Variants in DIP2C observed in about 807,000 individuals in gnomAD.
DIP2C encodes the protein DIP2 acetate--CoA ligase C (putative).
Under a neutral mutation model 192.4 loss-of-function variants are expected in DIP2C, and 33 were observed. The observed-to-expected ratio is 0.17, with a 90% CI of 0.13 to 0.23. DIP2C has a LOEUF of 0.23. Among genes scored for constraint, DIP2C ranks in the 10% least tolerant of loss-of-function variants. The probability of loss-of-function intolerance (pLI) is 1.00; values close to 1 mark genes in which losing one functional copy is unlikely to be tolerated. For missense variants in DIP2C, 1,537 were observed against 2,110.1 expected (o/e 0.73, Z 5.32); for synonymous variants, 979 against 864.1 (o/e 1.13, Z -2.33).
rs1242761400 is a variant in DIP2C, at chr10:579,462, T to C, written c.86-92932A>G. ...AACACATGTGTACATGCATAGAGCG[T>C]ACACACATACAGATCCAGTGTACAA... is the stretch of plus-strand genomic sequence containing the variant. On this transcript the variant is annotated intron_variant, in intron 1 of 36. Coordinates refer to ENST00000280886, the MANE Select transcript of DIP2C (RefSeq NM_014974.3). Among the ~76,000 whole-genome samples, 7 of 151,504 alleles carry C rather than the reference T, an allele frequency of 4.6e-5. 1 individual carries two copies. Among genetic ancestry groups the C allele is most frequent in the Middle Eastern group, 6.5e-3 (2 of 308 alleles).
intron 2 of DIP2C, among the ~76,000 whole-genome samples, chr10:484,412 A>G (rs1843844626): frequency 6.6e-6 from 1 of 152,260 alleles, no homozygotes; most frequent in African/African-American, 2.4e-5. Flanking sequence ...AAGACCCATC[A>G]GCTCATCCTT....
intron 1 of DIP2C, among the ~76,000 whole-genome samples, chr10:487,529 C>A (rs1441104686): frequency 7.0e-6 from 1 of 143,682 alleles, no homozygotes; most frequent in Non-Finnish European, 1.5e-5. Context: ...GAGCCAAGAA[C>A]CAAATGACAC....
chr10:509,098 T>C (rs557859555), intron 1 of DIP2C, among the ~76,000 whole-genome samples: 2 of 152,232 alleles, frequency 1.3e-5, no homozygotes, highest in South Asian at 2.1e-4. Context: ...GCCCAAGATA[T>C]CTAGTGGCAT....
chr10:488,816 CCAGA>C (rs1844212861), intron 1 of DIP2C, among the ~76,000 whole-genome samples: 1 of 152,204 alleles, frequency 6.6e-6, no homozygotes, highest in Non-Finnish European at 1.5e-5. Flanking sequence ...ATCCTTAAAA[CCAGA>C]CAATGTCCCA....
Position 419,993 on chromosome 10 carries a change from C to T in DIP2C, c.605-794G>A, listed in dbSNP as rs1342541957. Among the ~76,000 whole-genome samples, 5 of 152,214 alleles carry T rather than the reference C, an allele frequency of 3.3e-5. No individual in the cohort carries two copies. In the East Asian group the frequency reaches 5.8e-4, roughly 18 times the overall value. ...TGCCAAGCAGCCCACTGATGACGCCCGTCACACCCAGAATCTTGATGACGG... is the reference window on the plus strand; with the variant it reads ...TGCCAAGCAGCCCACTGATGACGCCTGTCACACCCAGAATCTTGATGACGG... On this transcript the variant is annotated intron_variant, in intron 5 of 36. Coordinates refer to ENST00000280886, the MANE Select transcript of DIP2C (RefSeq NM_014974.3).
intron 32 of DIP2C, among the ~76,000 whole-genome samples, chr10:303,586 C>T (rs978074215): frequency 5.3e-5 from 8 of 151,684 alleles, no homozygotes; most frequent in Middle Eastern, 3.2e-3. Context: ...TGCAGTGGCG[C>T]GATCTTGGCT....
intron 31 of DIP2C, among the ~76,000 whole-genome samples, chr10:318,814 G>A (rs1395247035): frequency 1.3e-5 from 2 of 152,170 alleles, no homozygotes; most frequent in East Asian, 1.9e-4. Context: ...AGGGGGACAA[G>A]GAAACTGAGA....
intron 6 of DIP2C, among the ~76,000 whole-genome samples, chr10:417,108 T>C (rs1311826914): frequency 6.6e-6 from 1 of 152,202 alleles, no homozygotes; most frequent in Non-Finnish European, 1.5e-5. Context: ...ACACATAGTA[T>C]GTTCCCATTA....
intron 14 of DIP2C, among the ~76,000 whole-genome samples, chr10:385,221 C>CACAGGACCCTGGAGGAGGAGCGGTT (rs1564644749): frequency 9.9e-4 from 150 of 151,928 alleles, no homozygotes; most frequent in African/African-American, 3.0e-3. Context: ...GAGGAGCGGT[C>CACAGGACCCTGGAGGAGGAGCGGTT]GCACAGGACC....
At position 445,154 on chromosome 10, in the gene DIP2C, C is replaced by T. The variant is rs187068568; in HGVS notation, c.269-4158G>A. ...TACTTACCAAATGACCCCTGGTGAG[C>T]GCCTTTCATGGGACCACTGGGCATC... On this transcript the variant is annotated intron_variant, in intron 3 of 36. Coordinates refer to ENST00000280886, the MANE Select transcript of DIP2C (RefSeq NM_014974.3). Among the ~76,000 whole-genome samples the T allele has an allele frequency of 1.2e-3, 185 of 152,340 alleles. 1 individual carries two copies. The highest frequency in any genetic ancestry group is 9.3e-3 in the South Asian group (45 of 4,828).
intron 1 of DIP2C, among the ~76,000 whole-genome samples, chr10:635,043 G>T (rs1192912786): frequency 1.3e-5 from 2 of 152,154 alleles, no homozygotes; most frequent in Non-Finnish European, 2.9e-5. Flanking sequence ...TCCTCCTGTG[G>T]AATCAGCCTG....
intron 4 of DIP2C, among the ~76,000 whole-genome samples, chr10:424,202 A>G (rs1966410261): frequency 6.6e-6 from 1 of 152,166 alleles, no homozygotes; most frequent in Admixed American, 6.5e-5. Context: ...TAATCTTAAG[A>G]CACGGGTTTG....
intron 10 of DIP2C, 122 bp downstream of exon 10, chr10:398,987 G>A (rs939294183): frequency 1.8e-5 from 14 of 781,554 alleles, no homozygotes; most frequent in African/African-American, 1.4e-4. Context: ...ATCCCTTATC[G>A]AGGCAACCGA....
In DIP2C at chr10:675,971, A is replaced by G. The variant is rs185187677; in HGVS notation, c.85+13523T>C. 1.0e-3 allele frequency among the ~76,000 whole-genome samples: 154 copies of G among 152,310 alleles called. 1 individual carries two copies. The highest frequency in any genetic ancestry group is 1.5e-3 in the Non-Finnish European group (104 of 68,022). ...AAGGACACAATAAAAAGAGAAAACT[A>G]TAGGTCAATATCCCTGATGAACACA... On this transcript the variant is annotated intron_variant, in intron 1 of 36. Coordinates refer to ENST00000280886, the MANE Select transcript of DIP2C (RefSeq NM_014974.3).
chr10:326,929 G>T, intron 31 of DIP2C, 77 bp downstream of exon 31: 1 of 1,502,936 alleles, frequency 6.7e-7, no homozygotes, highest in East Asian at 2.3e-5. Context: ...CGAGGGAGAC[G>T]AGTGGAGCCA....
rs1030450131 is a variant in DIP2C at position 390,994 on chromosome 10, T to C, written c.1261-131A>G. On this transcript the variant is annotated intron_variant, in intron 10 of 36. Transcript: ENST00000280886. ...AGGATCCAACCCCCAGCCCTGCTGC[T>C]TGGTATCTGTGGGACCCTGAACAGG... is the stretch of plus-strand genomic sequence containing the variant. 3.1e-4 allele frequency: 418 copies of C among 1,354,856 alleles called. 1 individual carries two copies. The highest frequency in any genetic ancestry group is 6.4e-5 in the Non-Finnish European group (64 of 997,966). 83.9% of individuals were successfully genotyped at this position (1,354,856 alleles called of 1,614,324 possible). A position where few individuals can be genotyped will look rare whatever the true frequency, so the allele number is the denominator to read the frequency against.
At chr10:595,088 C>T (rs960475736) in intron 1 of DIP2C, among the ~76,000 whole-genome samples, 2 of 152,194 alleles carry the variant, frequency 1.3e-5, no homozygotes, top group Non-Finnish European at 2.9e-5. Flanking sequence ...GCATCAGCCT[C>T]CTGGGCACTC....
chr10:399,016 G>A (rs767451041), intron 10 of DIP2C, 93 bp downstream of exon 10: 16 of 1,108,266 alleles, frequency 1.4e-5, no homozygotes, highest in Non-Finnish European at 2.1e-5. Flanking sequence ...CAGGGCCCCA[G>A]AAACAGCGAG....
intron 1 of DIP2C, among the ~76,000 whole-genome samples, chr10:578,437 G>A (rs1004572297): frequency 3.3e-5 from 5 of 152,164 alleles, no homozygotes; most frequent in Admixed American, 6.5e-5. Context: ...CTACCTCACT[G>A]AAATCACCAA....
Sources: gnomAD v4.1 joint callset for allele counts (sites outside exome capture counted in the v4.1 genomes callset) on GRCh38, gnomAD v4.1.1 for gene constraint, MANE v1.5 for transcripts, NCBI Gene and HGNC (gene_info 2026-07-23, HGNC 2026-07-21) for gene names.